FTCDNL1: variants seen among roughly 807,000 people sequenced by gnomAD.
FTCDNL1 encodes the protein formiminotransferase cyclodeaminase N-terminal like, also known as formiminotransferase N-terminal subdomain-containing protein.
In FTCDNL1, 11 loss-of-function variants were observed where a neutral mutation model predicts 5.9. That is an observed-to-expected ratio of 1.87 (90% CI 1.18 to 3.10). The LOEUF (loss-of-function observed/expected upper bound fraction) is 3.10. FTCDNL1 is among the 30% of genes most tolerant of loss of function. FTCDNL1 has a pLI of 0.00. For synonymous variants in FTCDNL1, 58 were observed against 24.8 expected (o/e 2.34, Z -3.99); for missense variants, 115 against 65.5 (o/e 1.76, Z -2.61).
At chr2:199,693,474 C>T in the FTCDNL1 span, among the ~76,000 whole-genome samples, 1 of 152,234 alleles carries the variant, frequency 6.6e-6, no homozygotes, top group East Asian at 1.9e-4. Flanking sequence ...GTGATAAGTG[C>T]ATTGAGTGAC....
chr2:199,757,260 C>T (rs1407096241), downstream of FTCDNL1, among the ~76,000 whole-genome samples: 1 of 152,040 alleles, frequency 6.6e-6, no homozygotes, highest in Non-Finnish European at 1.5e-5. Flanking sequence ...GCTGGGGAAG[C>T]AGTTTCTCTT....
At chr2:199,808,399 C>T (rs1042511566), downstream of FTCDNL1, among the ~76,000 whole-genome samples, 1 of 152,074 alleles carries the variant, frequency 6.6e-6, no homozygotes, top group African/African-American at 2.4e-5. Flanking sequence ...AATTATAAAA[C>T]ACAATGTGCA....
At chr2:199,842,606 T>A (rs762296072) in intron 3 of FTCDNL1, among the ~76,000 whole-genome samples, 1 of 152,200 alleles carries the variant, frequency 6.6e-6, no homozygotes, top group Non-Finnish European at 1.5e-5. Flanking sequence ...TTGGACCCAC[T>A]TTAAGAACCT....
intron 3 of FTCDNL1, among the ~76,000 whole-genome samples, chr2:199,829,358 A>G (rs1230185108): frequency 6.6e-6 from 1 of 152,176 alleles, no homozygotes; most frequent in Non-Finnish European, 1.5e-5. Context: ...CTTATTTGCT[A>G]TAAAATAATT....
At chr2:199,802,833 A>G (rs551334181) in intron 3 of FTCDNL1, among the ~76,000 whole-genome samples, 1 of 152,282 alleles carries the variant, frequency 6.6e-6, no homozygotes, top group Admixed American at 6.5e-5. Flanking sequence ...AGGCGCTGAC[A>G]GTCCAGGGGA....
At chr2:199,794,671 A>G (rs1700089635) in intron 3 of FTCDNL1, among the ~76,000 whole-genome samples, 1 of 152,216 alleles carries the variant, frequency 6.6e-6, no homozygotes, top group Admixed American at 6.5e-5. Context: ...TGAGTCCAGG[A>G]GTTTGAGACC....
the FTCDNL1 span, among the ~76,000 whole-genome samples, chr2:199,697,679 CTT>C: frequency 1.3e-5 from 2 of 152,180 alleles, no homozygotes; most frequent in Admixed American, 1.3e-4. Flanking sequence ...TAAAAACACA[CTT>C]AAGTACATAG....
chr2:199,709,155 G>T, the FTCDNL1 span, among the ~76,000 whole-genome samples: 1 of 152,004 alleles, frequency 6.6e-6, no homozygotes, highest in African/African-American at 2.4e-5. Context: ...TGTTGTTTAA[G>T]GTAGAAAGTA....
chr2:199,703,669 AC>A, the FTCDNL1 span, among the ~76,000 whole-genome samples: 1 of 152,160 alleles, frequency 6.6e-6, no homozygotes, highest in African/African-American at 2.4e-5. Context: ...TATGCTCATT[AC>A]CTGGGTGGCA....
chr2:199,761,980 A>C (rs1425257213), intron 3 of FTCDNL1, among the ~76,000 whole-genome samples: 1 of 152,206 alleles, frequency 6.6e-6, no homozygotes, highest in East Asian at 1.9e-4. Flanking sequence ...TGGCTTCCCT[A>C]GGCCACATTG....
At chr2:199,827,532 T>TA (rs1702110735) in intron 3 of FTCDNL1, among the ~76,000 whole-genome samples, 2 of 152,122 alleles carry the variant, frequency 1.3e-5, no homozygotes, top group South Asian at 4.2e-4. Flanking sequence ...TGTAAGAAAA[T>TA]ATTCGAATTG....
At chr2:199,670,006 A>T in the FTCDNL1 span, among the ~76,000 whole-genome samples, 1 of 152,210 alleles carries the variant, frequency 6.6e-6, no homozygotes, top group Non-Finnish European at 1.5e-5. Context: ...CTCCTGGGCA[A>T]GTACTACAAT....
At chr2:199,821,926 G>A (rs1053611641) in intron 3 of FTCDNL1, among the ~76,000 whole-genome samples, 1 of 152,152 alleles carries the variant, frequency 6.6e-6, no homozygotes, top group Non-Finnish European at 1.5e-5. Context: ...CAGAGATATT[G>A]TGGATTTGAT....
intron 3 of FTCDNL1, among the ~76,000 whole-genome samples, chr2:199,803,442 ATTGTT>A (rs547237817): frequency 1.8e-3 from 212 of 118,628 alleles, no homozygotes; most frequent in African/African-American, 4.7e-3. Flanking sequence ...GTCCAAGGTT[ATTGTT>A]TTGTTTTGTT....
chr2:199,835,055 G>A (rs1280780946), intron 3 of FTCDNL1, among the ~76,000 whole-genome samples: 4 of 152,138 alleles, frequency 2.6e-5, no homozygotes, highest in Admixed American at 2.6e-4. Context: ...ATACATGCCT[G>A]TAGTCCTAGC....
the FTCDNL1 span, among the ~76,000 whole-genome samples, chr2:199,716,555 G>T: frequency 6.6e-6 from 1 of 152,118 alleles, no homozygotes; most frequent in Non-Finnish European, 1.5e-5. Context: ...AACTCCCTGT[G>T]ATGAAGTTGT....
the FTCDNL1 span, among the ~76,000 whole-genome samples, chr2:199,675,602 G>C: frequency 1.4e-4 from 22 of 152,242 alleles, no homozygotes; most frequent in South Asian, 4.1e-3. Flanking sequence ...TCCGGAGCTG[G>C]TATAATGACT....
chr2:199,715,592 G>A, the FTCDNL1 span, among the ~76,000 whole-genome samples: 4 of 152,052 alleles, frequency 2.6e-5, no homozygotes, highest in Non-Finnish European at 5.9e-5. Flanking sequence ...ACCCAGTCTC[G>A]GGTATTTCTT....
intron 3 of FTCDNL1, among the ~76,000 whole-genome samples, chr2:199,769,356 G>A (rs1304690987): frequency 2.0e-5 from 3 of 152,064 alleles, no homozygotes; most frequent in Admixed American, 6.6e-5. Context: ...TGTTCTACTA[G>A]TCAATAAGTC....
Sources: allele counts gnomAD v4.1 joint callset (sites outside exome capture counted in the v4.1 genomes callset), GRCh38; gene constraint gnomAD v4.1.1; transcripts MANE v1.5; gene names NCBI Gene and HGNC (gene_info 2026-07-23, HGNC 2026-07-21).